SCN9A: variants seen among roughly 807,000 people sequenced by gnomAD.
SCN9A encodes the protein sodium voltage-gated channel alpha subunit 9.
SCN9A carries 131 observed loss-of-function variants against 187.0 expected under a neutral mutation model. The ratio of observed to expected loss-of-function variants is 0.70; its 90% confidence interval spans 0.61 to 0.81. The LOEUF (loss-of-function observed/expected upper bound fraction) is 0.81, where lower values mean the gene tolerates loss of function less well. SCN9A is among the 30% of genes least tolerant of loss of function. The pLI, the probability that SCN9A is intolerant of heterozygous loss-of-function variation, is 0.00. For missense variants in SCN9A, 2,252 were observed against 2,396.6 expected (o/e 0.94, Z 1.26); for synonymous variants, 809 against 808.6 (o/e 1.00, Z -0.01).
At chr2:166,372,081 AGTGTGTGTGT>A (rs138962140) in intron 1 of SCN9A, among the ~76,000 whole-genome samples, 3 of 150,386 alleles carry the variant, frequency 2.0e-5, no homozygotes, top group Admixed American at 2.0e-4. Flanking sequence ...CACCATACAA[AGTGTGTGTGT>A]GTGTGTGTGT....
At chr2:166,280,845 T>G (rs894942863) in intron 13 of SCN9A, among the ~76,000 whole-genome samples, 25 of 152,302 alleles carry the variant, frequency 1.6e-4, no homozygotes, top group South Asian at 4.1e-4. Context: ...GTGGGCATCT[T>G]TCAGAGAAAA....
rs2106336523 is a variant in SCN9A at position 166,199,079 on chromosome 2, C to T, written c.5560G>A (p.Gly1854Arg). ...TGTGAACGAAGAGAATCCATCTCCC[C>T]ACTCTCACCCAAAACACGCTTTGTA... ...AFTKRVLGES[G>R]EMDSLRSQME... is the part of the protein sequence containing the mutation. Residue 1854 changes from glycine to arginine, a missense_variant, in exon 27 of 27, where the codon GGG (glycine) becomes AGG (arginine). This residue lies in a region of SCN9A where 345 missense variants were observed against 344.6 expected (regional missense o/e 1.00). Transcript: ENST00000642356. 6 of 1,614,104 alleles carry T rather than the reference C, an allele frequency of 3.7e-6. No homozygotes were observed. In the South Asian group the frequency reaches 4.4e-5, roughly 12 times the overall value.
chr2:166,267,249 A>T (rs1278773661), intron 17 of SCN9A, among the ~76,000 whole-genome samples: 1 of 151,940 alleles, frequency 6.6e-6, no homozygotes, highest in East Asian at 1.9e-4. Context: ...TTTGTTGATA[A>T]TTTTTATCAA....
chr2:166,280,148 G>A (rs1354599621), intron 14 of SCN9A, among the ~76,000 whole-genome samples: 1 of 152,088 alleles, frequency 6.6e-6, no homozygotes, highest in African/African-American at 2.4e-5. Context: ...TATAGAAATA[G>A]TATTGTTATT....
At chr2:166,347,854 C>G (rs566204756) in intron 1 of SCN9A, among the ~76,000 whole-genome samples, 7 of 152,108 alleles carry the variant, frequency 4.6e-5, no homozygotes, top group African/African-American at 1.7e-4. Context: ...ACACTCTGAT[C>G]TAGAACTTGT....
chr2:166,340,883 A>C (rs1177477519), intron 1 of SCN9A, among the ~76,000 whole-genome samples: 1 of 152,022 alleles, frequency 6.6e-6, no homozygotes, highest in African/African-American at 2.4e-5. Flanking sequence ...TCAGCCTCCC[A>C]AAGTGCTGGG....
chr2:166,332,545 C>A (rs1263106075), intron 1 of SCN9A, among the ~76,000 whole-genome samples: 1 of 152,102 alleles, frequency 6.6e-6, no homozygotes, highest in Non-Finnish European at 1.5e-5. Context: ...AATCACTTGA[C>A]CTCAGAAGTA....
chr2:166,277,065 G>A lies in SCN9A; in HGVS notation c.2792C>T (p.Thr931Ile), dbSNP rs1299624986. The A allele has an allele frequency of 6.2e-6, 10 of 1,613,978 alleles. No homozygotes were observed. Among genetic ancestry groups the A allele is most frequent in the Admixed American group, 1.7e-5 (1 of 59,990 alleles). ...AGCGACCTCCATACAGTCCCACATG[G>A]TCTCTATCCACTCTCCACACAGCAC... Reference protein sequence around the residue: ...FRVLCGEWIETMWDCMEVAGQ... With the variant: ...FRVLCGEWIEIMWDCMEVAGQ... Residue 931 changes from threonine (T) to isoleucine (I), a missense_variant, in exon 16 of 27, where the codon ACC (threonine) becomes ATC (isoleucine). Thr to Ile is a moderately conservative substitution (Grantham distance 89). This residue lies in a region of SCN9A where 119 missense variants were observed against 188.7 expected (regional missense o/e 0.63). Coordinates refer to ENST00000642356, the MANE Select transcript of SCN9A (RefSeq NM_001365536.1).
chr2:166,233,098 T>C (rs1298142264), intron 21 of SCN9A, among the ~76,000 whole-genome samples: 1 of 147,756 alleles, frequency 6.8e-6, no homozygotes, highest in Non-Finnish European at 1.5e-5. Flanking sequence ...ATATATACCA[T>C]ATATGCATAC....
chr2:166,257,197 C>A (rs1696316122), intron 17 of SCN9A, among the ~76,000 whole-genome samples: 2 of 151,460 alleles, frequency 1.3e-5, no homozygotes, highest in Admixed American at 6.6e-5. Context: ...TCTTTAGAAG[C>A]AAACATTTAA....
intron 24 of SCN9A, among the ~76,000 whole-genome samples, chr2:166,206,748 A>C (rs1209316692): frequency 2.0e-5 from 3 of 152,172 alleles, no homozygotes; most frequent in African/African-American, 7.2e-5. Context: ...TCCTTTACAT[A>C]AAAAATGAAT....
intron 1 of SCN9A, among the ~76,000 whole-genome samples, chr2:166,359,016 T>C (rs953363364): frequency 2.6e-5 from 4 of 152,330 alleles, no homozygotes. Context: ...TTAAATAATA[T>C]TTCTTTCAAC....
intron 1 of SCN9A, among the ~76,000 whole-genome samples, chr2:166,349,705 G>T (rs1699987286): frequency 2.0e-5 from 3 of 152,158 alleles, no homozygotes; most frequent in Admixed American, 2.0e-4. Flanking sequence ...GGGCATGGTG[G>T]CTCACGCCTG....
At position 166,286,594 on chromosome 2, in the gene SCN9A, T is replaced by C. The variant is rs747552653; in HGVS notation, c.1344A>G (p.Thr448=). The C allele has an allele frequency of 5.1e-6, 8 of 1,576,074 alleles. No individual in the cohort carries two copies. Among genetic ancestry groups the C allele is most frequent in the Non-Finnish European group, 6.9e-6 (8 of 1,165,492 alleles). Residue 448 remains threonine (T), a synonymous_variant, in exon 11 of 27, where the codon ACA becomes ACG. Transcript: ENST00000642356. ...CCATAATTCTGCTTCTCCTAATACT[T>C]GTATATTCAGCCGCTGCCGCTGCAA... ...EAIAAAAAEY[T]SIRRSRIMGL... is the part of the protein sequence containing the mutation.
intron 24 of SCN9A, 126 bp from the exon 25 acceptor site, chr2:166,204,590 A>G: frequency 3.9e-6 from 2 of 517,482 alleles, no homozygotes; most frequent in Non-Finnish European, 3.3e-6. Context: ...TATGTTCATG[A>G]TAGCTATACA....
At chr2:166,217,407 CAG>C (rs1321849217) in intron 24 of SCN9A, among the ~76,000 whole-genome samples, 3 of 151,904 alleles carry the variant, frequency 2.0e-5, no homozygotes, top group Non-Finnish European at 4.4e-5. Flanking sequence ...GAAGCAATAA[CAG>C]AGTGGAGAGA....
At chr2:166,228,366 C>T (rs151166087) in intron 22 of SCN9A, among the ~76,000 whole-genome samples, 1,565 of 148,390 alleles carry the variant, frequency 0.011, 31 homozygotes, top group African/African-American at 0.036. Context: ...ACGTGATTCT[C>T]CTGCCTCAGC....
intron 1 of SCN9A, among the ~76,000 whole-genome samples, chr2:166,362,785 G>C (rs1395572481): frequency 6.6e-6 from 1 of 151,836 alleles, no homozygotes; most frequent in Non-Finnish European, 1.5e-5. Context: ...TGGATTCTGA[G>C]ATAAAGCAAG....
intron 1 of SCN9A, among the ~76,000 whole-genome samples, chr2:166,354,279 C>T (rs1225539119): frequency 4.6e-5 from 7 of 152,114 alleles, no homozygotes; most frequent in Non-Finnish European, 1.0e-4. Context: ...GCTATTACAA[C>T]CTGTTTCCCC....
Sources: allele counts gnomAD v4.1 joint callset (sites outside exome capture counted in the v4.1 genomes callset), GRCh38; gene constraint gnomAD v4.1.1; regional missense constraint gnomAD v4.1.1; transcripts MANE v1.5; gene names NCBI Gene and HGNC (gene_info 2026-07-23, HGNC 2026-07-21).